Variants in RETREG1 observed in about 807,000 individuals in gnomAD.
The protein encoded by RETREG1 is family with sequence similarity 134 member B.
In RETREG1, 44 loss-of-function variants were observed where a neutral mutation model predicts 54.8. That is an observed-to-expected ratio of 0.80 (90% CI 0.63 to 1.03). The LOEUF (loss-of-function observed/expected upper bound fraction) is 1.03. Among genes scored for constraint, RETREG1 ranks in the 50% least tolerant of loss-of-function variants. The probability of loss-of-function intolerance (pLI) is 0.00; values close to 1 mark genes in which losing one functional copy is unlikely to be tolerated. For missense variants in RETREG1, 554 were observed against 605.1 expected (o/e 0.92, Z 0.89); for synonymous variants, 217 against 238.5 (o/e 0.91, Z 0.83).
intron 3 of RETREG1, among the ~76,000 whole-genome samples, chr5:16,513,990 T>C (rs1740267094): frequency 6.6e-6 from 1 of 152,256 alleles, no homozygotes; most frequent in Admixed American, 6.5e-5. Flanking sequence ...AAACATATAA[T>C]TTAAATTAAC....
Position 16,616,657 on chromosome 5 carries a change from CAGCAGGTTGGCAGCGACGAAGCCG to C in RETREG1, c.291_314del (p.Gly98_Leu105del), listed in dbSNP as rs2126387383. The C allele has an allele frequency of 6.3e-7, 1 of 1,594,886 alleles. No individual in the cohort carries two copies. The highest frequency in any genetic ancestry group is 8.5e-7 in the Non-Finnish European group (1 of 1,176,622). On this transcript the variant is annotated inframe_deletion, in exon 1 of 9. Transcript: ENST00000306320. ...CACCTTGCCCAAGCTCTCACCAGAA[CAGCAGGTTGGCAGCGACGAAGCCG>C]AGCAGGCTCCGCAGCGGCCTCTTCC...
At chr5:16,479,948 T>C (rs543895099) in intron 5 of RETREG1, among the ~76,000 whole-genome samples, 1 of 152,086 alleles carries the variant, frequency 6.6e-6, no homozygotes, top group South Asian at 2.1e-4. Flanking sequence ...AGAAAATCCA[T>C]ACTTTTTAAT....
At chr5:16,554,265 C>G (rs901972644) in intron 3 of RETREG1, among the ~76,000 whole-genome samples, 1 of 152,236 alleles carries the variant, frequency 6.6e-6, no homozygotes, top group African/African-American at 2.4e-5. Flanking sequence ...AGGCTGGAAC[C>G]TCTCCGTTGA....
At chr5:16,577,779 G>A (rs1266547662) in intron 1 of RETREG1, among the ~76,000 whole-genome samples, 1 of 151,976 alleles carries the variant, frequency 6.6e-6, no homozygotes, top group Non-Finnish European at 1.5e-5. Flanking sequence ...TCTCGTGGGA[G>A]TGAGTAAGTC....
At chr5:16,548,486 A>T (rs1423385752) in intron 3 of RETREG1, among the ~76,000 whole-genome samples, 1 of 152,238 alleles carries the variant, frequency 6.6e-6, no homozygotes, top group Non-Finnish European at 1.5e-5. Flanking sequence ...GTTGATCCAC[A>T]GAAACATAAG....
intron 3 of RETREG1, among the ~76,000 whole-genome samples, chr5:16,554,253 C>A (rs11957022): frequency 0.01 from 1,572 of 152,322 alleles, 31 homozygotes; most frequent in African/African-American, 0.035. Flanking sequence ...CTGACATTTC[C>A]GAGGCTGGAA....
chr5:16,605,503 G>C (rs2126366541), intron 1 of RETREG1, among the ~76,000 whole-genome samples: 1 of 152,298 alleles, frequency 6.6e-6, no homozygotes. Context: ...AAGAATGGGA[G>C]GGAGTGGGGT....
chr5:16,483,333 C>T lies in RETREG1; in HGVS notation c.585+13G>A, dbSNP rs540752791. 1.9e-6 allele frequency: 3 copies of T among 1,612,830 alleles called. No individual in the cohort carries two copies. In the East Asian group the frequency reaches 6.7e-5, roughly 36 times the overall value. On this transcript the variant is annotated intron_variant, in intron 4 of 8. Coordinates refer to ENST00000306320, the MANE Select transcript of RETREG1 (RefSeq NM_001034850.3). ...GAACATTTTAAAACATACTCCTTTA[C>T]TGGAAAACTTGCCTTGCCAGGGCTC...
chr5:16,599,572 G>A (rs1742993646), intron 1 of RETREG1, among the ~76,000 whole-genome samples: 1 of 152,104 alleles, frequency 6.6e-6, no homozygotes, highest in African/African-American at 2.4e-5. Context: ...AAAAAGCAGA[G>A]GGTGTCACTA....
chr5:16,612,777 A>T (rs1743385849), intron 1 of RETREG1, among the ~76,000 whole-genome samples: 2 of 152,188 alleles, frequency 1.3e-5, no homozygotes, highest in African/African-American at 4.8e-5. Context: ...CATAAAATAT[A>T]CCATAGATAA....
intron 3 of RETREG1, among the ~76,000 whole-genome samples, chr5:16,511,715 G>T (rs1163662871): frequency 6.6e-6 from 1 of 152,154 alleles, no homozygotes; most frequent in African/African-American, 2.4e-5. Flanking sequence ...ATTGGCTCAT[G>T]GATCTGCAGG....
At chr5:16,501,852 C>T (rs1739729723) in intron 3 of RETREG1, among the ~76,000 whole-genome samples, 1 of 150,058 alleles carries the variant, frequency 6.7e-6, no homozygotes, top group African/African-American at 2.5e-5. Context: ...GCCTGGCCTG[C>T]ATTTTTTTAA....
chr5:16,483,237 A>C lies in RETREG1; in HGVS notation c.585+109T>G, dbSNP rs927354716. On this transcript the variant is annotated intron_variant, in intron 4 of 8. Coordinates refer to ENST00000306320, the MANE Select transcript of RETREG1 (RefSeq NM_001034850.3). ...AGCTTTTATGGCATATGTTCTTAGT[A>C]TATTATATTTAAAATTGGAGAAATC... 4.8e-6 allele frequency: 6 copies of C among 1,258,220 alleles called. No homozygotes were observed. The African/African-American group carries it at 7.4e-5, about 15-fold the overall frequency. 77.9% of individuals were successfully genotyped at this position (1,258,220 alleles called of 1,614,324 possible).
At chr5:16,571,082 T>C (rs971383699) in intron 2 of RETREG1, among the ~76,000 whole-genome samples, 3 of 152,282 alleles carry the variant, frequency 2.0e-5, no homozygotes, top group Non-Finnish European at 4.4e-5. Context: ...ATAACTGGAT[T>C]TCAAGCAGAT....
intron 3 of RETREG1, among the ~76,000 whole-genome samples, chr5:16,517,846 T>C (rs1740407602): frequency 6.6e-6 from 1 of 152,076 alleles, no homozygotes; most frequent in Non-Finnish European, 1.5e-5. Flanking sequence ...AGAGATAAAA[T>C]AAATATAAGC....
At chr5:16,509,502 C>T (rs187350840) in intron 3 of RETREG1, 1 of 152,192 alleles carries the variant, frequency 6.6e-6, no homozygotes, top group East Asian at 1.9e-4. Context: ...AGAGCCATCC[C>T]TCATTTGCTT....
At chr5:16,543,800 C>T (rs1225165431) in intron 3 of RETREG1, among the ~76,000 whole-genome samples, 2 of 152,006 alleles carry the variant, frequency 1.3e-5, no homozygotes, top group Non-Finnish European at 2.9e-5. Context: ...TTGGTATGGT[C>T]AGTCTTTTTT....
chr5:16,477,576 G>T, intron 8 of RETREG1, 86 bp downstream of exon 8: 1 of 1,271,488 alleles, frequency 7.9e-7, no homozygotes, highest in Non-Finnish European at 1.1e-6. Context: ...GTGGTAACAT[G>T]TTATTTACCC....
At position 16,483,437 on chromosome 5, in the gene RETREG1, G is replaced by A. The variant is rs1413492220; in HGVS notation, c.494C>T (p.Pro165Leu). 3 of 1,613,064 alleles carry A rather than the reference G, an allele frequency of 1.9e-6. No homozygotes were observed. Among genetic ancestry groups the A allele is most frequent in the Non-Finnish European group, 2.5e-6 (3 of 1,179,338 alleles). The part of the protein sequence containing the change: ...EVINSKPDER[P>L]RLSHCIAESW... ...TTCTGCAATACAGTGGCTGAGCCTG[G>A]GTCTTTCATCTGGTTTGGAATTGAT... Residue 165 changes from proline to leucine, a missense_variant, in exon 4 of 9, where the codon CCC (proline) becomes CTC (leucine). By Grantham distance (98) the Pro-to-Leu change is moderately conservative (BLOSUM62 -3). Around this residue, in one of 4 missense-constraint regions of RETREG1, gnomAD observed 347 missense variants for 412.3 expected, o/e 0.84. Transcript: ENST00000306320.
Sources: gnomAD v4.1 joint callset for allele counts (sites outside exome capture counted in the v4.1 genomes callset) on GRCh38, gnomAD v4.1.1 for gene constraint, gnomAD v4.1.1 regional missense constraint, MANE v1.5 for transcripts, NCBI Gene and HGNC (gene_info 2026-07-23, HGNC 2026-07-21) for gene names.